SEPTIN3: variants seen among roughly 807,000 people sequenced by gnomAD.
SEPTIN3 encodes neuronal-specific septin-3.
A neutral mutation model predicts 45.1 loss-of-function variants in SEPTIN3; 15 were observed. The ratio of observed to expected loss-of-function variants is 0.33; its 90% confidence interval spans 0.22 to 0.51. SEPTIN3 has a LOEUF of 0.51. Ranked by LOEUF, SEPTIN3 falls within the 20% of genes least tolerant of loss-of-function variation. SEPTIN3 has a pLI of 0.97. For missense variants in SEPTIN3, 289 were observed against 457.2 expected, an observed-to-expected ratio of 0.63 and a Z score of 3.35; for synonymous variants, 148 against 164.8, an observed-to-expected ratio of 0.90 and a Z score of 0.78.
chr22:41,986,134 CT>C, intron 4 of SEPTIN3, 22 bp downstream of exon 4: 1 of 1,610,316 alleles, frequency 6.2e-7, no homozygotes, highest in South Asian at 1.1e-5. Context: ...GCAGGGACCC[CT>C]ATGGGCTTTG....
At position 41,970,938 on chromosome 22, in the gene SEPTIN3, G is replaced by C. The variant is rs527304102; in HGVS notation, c.-19-536G>C. 4.7e-4 allele frequency among the ~76,000 whole-genome samples: 71 copies of C among 152,304 alleles called. 1 individual carries two copies. The highest frequency in any genetic ancestry group is 1.6e-3 in the African/African-American group (68 of 41,562). On this transcript the variant is annotated intron_variant, in intron 1 of 11. Transcript: ENST00000644076. ...TAGGCCAGCTCAGGGCTCTTTCTTGGTTCTGGGGCTCTAAGCCAAATTGGT... is the reference window on the plus strand; with the variant it reads ...TAGGCCAGCTCAGGGCTCTTTCTTGCTTCTGGGGCTCTAAGCCAAATTGGT...
At chr22:41,995,235 A>G (rs747723466) in intron 11 of SEPTIN3, 189 of 992,816 alleles carry the variant, frequency 1.9e-4, no homozygotes, top group Non-Finnish European at 2.2e-4. Flanking sequence ...GGAGTTCAGG[A>G]CAACCCTCCT....
At position 41,992,708 on chromosome 22, in the gene SEPTIN3, C is replaced by G; in HGVS notation, c.2304C>G (p.Tyr768Ter). Residue 768 changes from tyrosine to a stop codon, truncating the protein, a stop_gained, in exon 9 of 12, where the codon TAC becomes TAG. Coordinates refer to ENST00000644076, the MANE Select transcript of SEPTIN3 (RefSeq NM_001363845.2). LOFTEE classifies it high-confidence loss of function. ...PFAVVGSDKE[Y>*]QVNGKRVLGR... Reference sequence around the variant, plus strand: ...CTGTGGTGGGAAGTGACAAGGAGTACCAAGTGAATGGCAAGAGGGTCCTCG... The same window carrying G: ...CTGTGGTGGGAAGTGACAAGGAGTAGCAAGTGAATGGCAAGAGGGTCCTCG... 1 of 1,612,282 alleles carries G rather than the reference C, an allele frequency of 6.2e-7. No homozygotes were observed. The highest frequency in any genetic ancestry group is 8.5e-7 in the Non-Finnish European group (1 of 1,179,270).
chr22:41,986,882 G>A (rs1345943152), intron 4 of SEPTIN3, among the ~76,000 whole-genome samples: 1 of 152,020 alleles, frequency 6.6e-6, no homozygotes, highest in Non-Finnish European at 1.5e-5. Flanking sequence ...AGGCTGAGGC[G>A]ACAGCATCAC....
chr22:41,992,759 C>A lies in SEPTIN3; in HGVS notation c.2355C>A (p.Ile785=). 1 of 1,602,446 alleles carries A rather than the reference C, an allele frequency of 6.2e-7. No individual in the cohort carries two copies. Among genetic ancestry groups the A allele is most frequent in the Non-Finnish European group, 8.5e-7 (1 of 1,172,006 alleles). ...VLGRKTPWGI[I]EVENLNHCEF... ...GCCGAAAAACTCCATGGGGGATCAT[C>A]GAAGGTAATTCACTGCATCTTCTGG... The change falls in exon 9 of 12, where the codon ATC becomes ATA. Residue 785 remains isoleucine, a synonymous_variant. Coordinates refer to ENST00000644076, the MANE Select transcript of SEPTIN3 (RefSeq NM_001363845.2).
intron 4 of SEPTIN3, 91 bp downstream of exon 4, chr22:41,986,203 C>T: frequency 6.8e-7 from 1 of 1,472,030 alleles, no homozygotes; most frequent in Non-Finnish European, 9.2e-7. Flanking sequence ...AGAATAAGAT[C>T]AATAAAAGGC....
intron 4 of SEPTIN3, among the ~76,000 whole-genome samples, chr22:41,986,797 G>A (rs941179237): frequency 3.9e-5 from 6 of 151,924 alleles, no homozygotes; most frequent in Middle Eastern, 3.2e-3. Flanking sequence ...AACCACGCCC[G>A]GCCCGAAACC....
At chr22:41,984,019 C>A (rs2078162622) in intron 3 of SEPTIN3, among the ~76,000 whole-genome samples, 2 of 152,192 alleles carry the variant, frequency 1.3e-5, no homozygotes, top group Admixed American at 1.3e-4. Flanking sequence ...TGAGCCACTT[C>A]TCTCCCCAGT....
chr22:41,981,847 C>T lies in SEPTIN3; in HGVS notation c.1696+11C>T, dbSNP rs188924870. On this transcript the variant is annotated intron_variant, in intron 3 of 11. Coordinates refer to ENST00000644076, the MANE Select transcript of SEPTIN3 (RefSeq NM_001363845.2). ...ACATCATGGTCGTTGGTACGGAAGG[C>T]TGTGGGGCTGCTGCAGGCCTGGTGG... 563 of 1,610,582 alleles carry T rather than the reference C, an allele frequency of 3.5e-4. No individual in the cohort carries two copies. The African/African-American group carries it at 6.8e-3, about 19-fold the overall frequency.
At chr22:41,987,010 G>T (rs984369003) in intron 4 of SEPTIN3, among the ~76,000 whole-genome samples, 196 bp from the exon 5 acceptor site, 1 of 152,010 alleles carries the variant, frequency 6.6e-6, no homozygotes, top group Non-Finnish European at 1.5e-5. Flanking sequence ...AAAGAAATGA[G>T]TAGAGAGGGT....
rs777812805 is a variant in SEPTIN3 at position 41,981,786 on chromosome 22, T to C, written c.1646T>C (p.Met549Thr). ...GGCATCGACACCATCATCGAGCAGA[T>C]GCGCAAGAAGACCATGAAGACCGGT... ...YIGIDTIIEQ[M>T]RKKTMKTGFD... The change falls in exon 3 of 12, where the codon ATG (methionine) becomes ACG (threonine). Residue 549 changes from methionine (M) to threonine (T), a missense_variant. Coordinates refer to ENST00000644076, the MANE Select transcript of SEPTIN3 (RefSeq NM_001363845.2). 1.2e-6 allele frequency: 2 copies of C among 1,613,950 alleles called. No individual in the cohort carries two copies. The highest frequency in any genetic ancestry group is 2.7e-5 in the African/African-American group (2 of 74,916).
At chr22:41,986,758 C>T (rs916923364) in intron 4 of SEPTIN3, among the ~76,000 whole-genome samples, 1 of 152,076 alleles carries the variant, frequency 6.6e-6, no homozygotes, top group Non-Finnish European at 1.5e-5. Flanking sequence ...GCCTTGGCCT[C>T]CCAAACTGCT....
intron 2 of SEPTIN3, 85 bp from the exon 3 acceptor site, chr22:41,981,560 A>G: frequency 8.6e-7 from 1 of 1,169,498 alleles, no homozygotes; most frequent in Non-Finnish European, 1.2e-6. Flanking sequence ...ATGATTCTGT[A>G]GCAAGAGAAA....
In SEPTIN3 at chr22:41,996,891, C is replaced by T; in HGVS notation, c.2506-11C>T. ...TCTCCACACCCTCAACCGTTCTCAA[C>T]CCCCCTGCAGGGAGAAGGCCTCCTG... On this transcript the variant is annotated splice_polypyrimidine_tract_variant and intron_variant, in intron 11 of 11. Transcript: ENST00000644076. The T allele has an allele frequency of 1.2e-6, 2 of 1,613,184 alleles. No individual in the cohort carries two copies. Among genetic ancestry groups the T allele is most frequent in the East Asian group, 2.2e-5 (1 of 44,828 alleles).
In SEPTIN3 at chr22:41,985,868, G is replaced by T. The variant is rs566981056; in HGVS notation, c.1697-116G>T. On this transcript the variant is annotated intron_variant, in intron 3 of 11. Coordinates refer to ENST00000644076, the MANE Select transcript of SEPTIN3 (RefSeq NM_001363845.2). ...CAGCCTGGCCATCCCCCAGTGAGTGGTCAGACAAGGTGTGGCCTGGATCAT... is the reference window on the plus strand; with the variant it reads ...CAGCCTGGCCATCCCCCAGTGAGTGTTCAGACAAGGTGTGGCCTGGATCAT... 7 of 1,305,170 alleles carry T rather than the reference G, an allele frequency of 5.4e-6. No individual in the cohort carries two copies. The Admixed American group carries it at 7.9e-5, about 15-fold the overall frequency. The allele number at this position is 1,305,170 out of a possible 1,614,324, so 80.8% of individuals were successfully genotyped here. A position where few individuals can be genotyped will look rare whatever the true frequency, so the allele number is the denominator to read the frequency against.
intron 8 of SEPTIN3, among the ~76,000 whole-genome samples, 181 bp downstream of exon 8, chr22:41,991,849 G>C (rs1042906242): frequency 1.3e-5 from 2 of 151,862 alleles, no homozygotes; most frequent in Non-Finnish European, 2.9e-5. Context: ...ACCCACAGAA[G>C]GGCTCCCTGT....
At chr22:41,978,176 G>A (rs750305225) in intron 2 of SEPTIN3, among the ~76,000 whole-genome samples, 1 of 152,190 alleles carries the variant, frequency 6.6e-6, no homozygotes, top group Non-Finnish European at 1.5e-5. Context: ...TTGCTCACTG[G>A]GGGGTCAGCT....
At chr22:41,983,154 A>C (rs2078149134) in intron 3 of SEPTIN3, among the ~76,000 whole-genome samples, 1 of 152,188 alleles carries the variant, frequency 6.6e-6, no homozygotes, top group Admixed American at 6.5e-5. Flanking sequence ...GTGCTGTCAA[A>C]GTGCTGACCT....
At chr22:41,982,959 C>G (rs1044474719) in intron 3 of SEPTIN3, among the ~76,000 whole-genome samples, 1 of 152,072 alleles carries the variant, frequency 6.6e-6, no homozygotes, top group Non-Finnish European at 1.5e-5. Context: ...GATGTCCAGT[C>G]AGTGCTGAAA....
Sources: gnomAD v4.1 joint callset for allele counts (sites outside exome capture counted in the v4.1 genomes callset) on GRCh38, gnomAD v4.1.1 for gene constraint, MANE v1.5 for transcripts, NCBI Gene and HGNC (gene_info 2026-07-23, HGNC 2026-07-21) for gene names.